Variants in PTPN2 observed in about 807,000 individuals in gnomAD.
PTPN2 encodes tyrosine-protein phosphatase non-receptor type 2.
PTPN2 carries 19 observed loss-of-function variants against 57.3 expected under a neutral mutation model. That is an observed-to-expected ratio of 0.33 (90% CI 0.23 to 0.49). The LOEUF (loss-of-function observed/expected upper bound fraction) is 0.49. Among genes scored for constraint, PTPN2 ranks in the 20% least tolerant of loss-of-function variants. PTPN2 has a pLI of 0.99. For synonymous variants in PTPN2, 153 were observed against 164.9 expected (o/e 0.93, Z 0.55); for missense variants, 358 against 501.1 (o/e 0.71, Z 2.73).
At chr18:12,822,270 C>A (rs1268300774) in intron 5 of PTPN2, among the ~76,000 whole-genome samples, 1 of 152,112 alleles carries the variant, frequency 6.6e-6, no homozygotes, top group Non-Finnish European at 1.5e-5. Context: ...CTTGCTAAAT[C>A]TTTAGGGACA....
At chr18:12,877,866 C>T in intron 1 of PTPN2, among the ~76,000 whole-genome samples, 1 of 151,976 alleles carries the variant, frequency 6.6e-6, no homozygotes, top group East Asian at 1.9e-4. Context: ...AAAAAATTAG[C>T]CTGGCGTGGT....
At chr18:12,832,148 T>C (rs1318851636) in intron 3 of PTPN2, among the ~76,000 whole-genome samples, 1 of 152,104 alleles carries the variant, frequency 6.6e-6, no homozygotes, top group African/African-American at 2.4e-5. Context: ...TGAGATGGTG[T>C]CTCTGTCACC....
At chr18:12,814,159 G>A in intron 7 of PTPN2, 44 bp downstream of exon 7, 2 of 1,380,692 alleles carry the variant, frequency 1.4e-6, no homozygotes, top group Non-Finnish European at 2.0e-6. Context: ...GATGCTATGT[G>A]TATTTAACAA....
At chr18:12,833,346 A>G (rs2042735523) in intron 3 of PTPN2, among the ~76,000 whole-genome samples, 1 of 152,254 alleles carries the variant, frequency 6.6e-6, no homozygotes, top group Non-Finnish European at 1.5e-5. Context: ...TGCAAGGCCA[A>G]GAGCTAGACT....
At chr18:12,806,980 C>T (rs560337106) in intron 7 of PTPN2, among the ~76,000 whole-genome samples, 2 of 152,158 alleles carry the variant, frequency 1.3e-5, no homozygotes, top group South Asian at 2.1e-4. Flanking sequence ...AGGAAGCAAT[C>T]GATAGACTGA....
At chr18:12,883,715 G>A (rs9961968) in intron 1 of PTPN2, 4,494 of 193,148 alleles carry the variant, frequency 0.023, 211 homozygotes, top group African/African-American at 0.098. Context: ...CCGGGGGCGC[G>A]CGCCCGAGCG....
chr18:12,881,492 G>A (rs1598908086), intron 1 of PTPN2, among the ~76,000 whole-genome samples: 1 of 152,216 alleles, frequency 6.6e-6, no homozygotes, highest in East Asian at 1.9e-4. Flanking sequence ...TCCACAATGA[G>A]TTCCTATTAA....
chr18:12,883,385 T>A (rs969471814), intron 1 of PTPN2, among the ~76,000 whole-genome samples: 14 of 152,216 alleles, frequency 9.2e-5, no homozygotes, highest in African/African-American at 3.4e-4. Flanking sequence ...CGGGGGAAAA[T>A]GAAGACGGAG....
intron 1 of PTPN2, among the ~76,000 whole-genome samples, chr18:12,860,229 C>A (rs534916096): frequency 6.6e-6 from 1 of 151,366 alleles, no homozygotes; most frequent in East Asian, 1.9e-4. Flanking sequence ...GTGGAGGTTA[C>A]AGTGAGCCAA....
chr18:12,878,393 G>A (rs537470808), intron 1 of PTPN2, among the ~76,000 whole-genome samples: 10 of 152,210 alleles, frequency 6.6e-5, no homozygotes, highest in South Asian at 2.1e-4. Context: ...GTGGCTGGGC[G>A]TGGTGGCTCA....
chr18:12,805,171 TAGC>T (rs1382927913), intron 7 of PTPN2, among the ~76,000 whole-genome samples: 2 of 152,086 alleles, frequency 1.3e-5, no homozygotes, highest in Non-Finnish European at 2.9e-5. Context: ...AAATTCAACA[TAGC>T]GGCTGGGCGT....
In PTPN2 at chr18:12,884,207, C is replaced by CCGGGGAGAGCGCTGGCGCTG; in HGVS notation, c.-86_-67dup. On this transcript the variant is annotated 5_prime_UTR_variant, in exon 1 of 9. An upstream open reading frame in the 5' UTR loses its in-frame stop. Transcript: ENST00000309660. Reference sequence around the variant, plus strand: ...CGGAGAGGCTCAGGCCCCGCACGATCCGGGGAGAGCGCTGGCGCTGCGGCG... The same window carrying CCGGGGAGAGCGCTGGCGCTG: ...CGGAGAGGCTCAGGCCCCGCACGATCCGGGGAGAGCGCTGGCGCTGCGGGGAGAGCGCTGGCGCTGCGGCG... 7.7e-7 allele frequency: 1 copy of CCGGGGAGAGCGCTGGCGCTG among 1,306,962 alleles called. No homozygotes were observed. 81.0% of individuals were successfully genotyped at this position (1,306,962 alleles called of 1,614,324 possible).
In PTPN2 at chr18:12,858,830, G is replaced by A. The variant is rs1334294302; in HGVS notation, c.160+334C>T. Among the ~76,000 whole-genome samples the A allele has an allele frequency of 2.6e-5, 4 of 152,062 alleles. No individual in the cohort carries two copies. In the East Asian group the frequency reaches 5.8e-4, roughly 22 times the overall value. On this transcript the variant is annotated intron_variant, in intron 2 of 8. Transcript: ENST00000309660. ...TATTTTAAGCAAAACTTACAAAGGG[G>A]ATGGAATGATATGAAAAGGAAATAC...
intron 8 of PTPN2, among the ~76,000 whole-genome samples, chr18:12,795,973 G>A (rs929008104): frequency 1.7e-4 from 25 of 149,254 alleles, no homozygotes; most frequent in Admixed American, 1.0e-3. Context: ...CCTAGTGCAC[G>A]ATGGTGCTTA....
chr18:12,867,331 A>T (rs1053240081), intron 1 of PTPN2, among the ~76,000 whole-genome samples: 1 of 151,978 alleles, frequency 6.6e-6, no homozygotes, highest in Non-Finnish European at 1.5e-5. Context: ...TAAATAAATA[A>T]ATAAATAAAT....
chr18:12,884,175 G>A lies in PTPN2; in HGVS notation c.-34C>T. On this transcript the variant is annotated 5_prime_UTR_variant, in exon 1 of 9. Transcript: ENST00000309660. ...GAGCGAGCTGGCGCGAGCAGAGCCT[G>A]CGCCGGCGGAGAGGCTCAGGCCCCG... 2.6e-6 allele frequency: 4 copies of A among 1,550,164 alleles called. No individual in the cohort carries two copies. The highest frequency in any genetic ancestry group is 3.5e-6 in the Non-Finnish European group (4 of 1,148,372).
chr18:12,884,178 C>A lies in PTPN2; in HGVS notation c.-37G>T. 6.5e-7 allele frequency: 1 copy of A among 1,543,208 alleles called. No homozygotes were observed. The highest frequency in any genetic ancestry group is 1.2e-5 in the South Asian group (1 of 84,224). On this transcript the variant is annotated 5_prime_UTR_variant, in exon 1 of 9. Transcript: ENST00000309660. ...CGAGCTGGCGCGAGCAGAGCCTGCGCCGGCGGAGAGGCTCAGGCCCCGCAC... is the reference window on the plus strand; with the variant it reads ...CGAGCTGGCGCGAGCAGAGCCTGCGACGGCGGAGAGGCTCAGGCCCCGCAC...
At chr18:12,820,028 A>C (rs777417756) in intron 5 of PTPN2, among the ~76,000 whole-genome samples, 13 of 152,172 alleles carry the variant, frequency 8.5e-5, no homozygotes, top group Non-Finnish European at 1.9e-4. Context: ...GGTCCTGCGC[A>C]CAATTACTTC....
At chr18:12,788,377 A>G (rs906626114), downstream of PTPN2, among the ~76,000 whole-genome samples, 1 of 149,202 alleles carries the variant, frequency 6.7e-6, no homozygotes, top group Non-Finnish European at 1.5e-5. Context: ...GAAGAGTTCA[A>G]AAGTTTGAAC....
Sources: allele counts gnomAD v4.1 joint callset (sites outside exome capture counted in the v4.1 genomes callset), GRCh38; gene constraint gnomAD v4.1.1; transcripts MANE v1.5; gene names NCBI Gene and HGNC (gene_info 2026-07-23, HGNC 2026-07-21).